MYO1A: variants seen among roughly 807,000 people sequenced by gnomAD.
MYO1A encodes the protein myosin IA, also known as unconventional myosin-Ia.
A neutral mutation model predicts 138.5 loss-of-function variants in MYO1A; 127 were observed. The observed-to-expected ratio is 0.92, with a 90% CI of 0.79 to 1.06. MYO1A has a LOEUF of 1.06. Ranked by LOEUF, MYO1A falls within the 50% of genes least tolerant of loss-of-function variation. The pLI is 0.00. For missense variants in MYO1A, 1,211 were observed against 1,288.8 expected, an observed-to-expected ratio of 0.94 and a Z score of 0.92; for synonymous variants, 477 against 497.5, an observed-to-expected ratio of 0.96 and a Z score of 0.55.
rs1592484864 is a variant in MYO1A, at chr12:57,047,430, T to C, written c.326-23A>G. 1.2e-5 allele frequency: 20 copies of C among 1,609,488 alleles called. 1 individual carries two copies. The highest frequency in any genetic ancestry group is 3.3e-4 in the Middle Eastern group (2 of 6,074). ...CCTCTGTGCAGGCAAAACGCTCTCA[T>C]GGGTCCCCACCCAGGACTAGCCCAT... On this transcript the variant is annotated intron_variant, in intron 4 of 27. Transcript: ENST00000300119.
chr12:57,038,556 T>A lies in MYO1A; in HGVS notation c.1616A>T (p.Gln539Leu). Residue 539 changes from glutamine (Q) to leucine (L), a missense_variant, in exon 17 of 28, where the codon CAG becomes CTG. Transcript: ENST00000300119. ...RDLLQAMWKA[Q>L]HPLLRSLFPE... ...AAACAAGGACCGAAGGAGGGGGTGCTGGGCCTTCCACATGGCCTGCAACAG... is the reference window on the plus strand; with the variant it reads ...AAACAAGGACCGAAGGAGGGGGTGCAGGGCCTTCCACATGGCCTGCAACAG... 5 of 1,614,204 alleles carry A rather than the reference T, an allele frequency of 3.1e-6. No homozygotes were observed. The highest frequency in any genetic ancestry group is 3.4e-6 in the Non-Finnish European group (4 of 1,180,036).
chr12:57,044,385 T>C (rs2031002243), intron 8 of MYO1A, among the ~76,000 whole-genome samples, 176 bp from the exon 9 acceptor site: 1 of 152,172 alleles, frequency 6.6e-6, no homozygotes, highest in African/African-American at 2.4e-5. Context: ...CCTGTGATGA[T>C]AGACTAATTT....
intron 1 of MYO1A, among the ~76,000 whole-genome samples, chr12:57,048,742 T>C (rs2031230619): frequency 6.6e-6 from 1 of 152,044 alleles, no homozygotes; most frequent in East Asian, 1.9e-4. Context: ...GCCCTCTCTC[T>C]CCTACAATGG....
Position 57,044,112 on chromosome 12 carries a change from A to T in MYO1A, c.738T>A (p.Ala246=). The change falls in exon 9 of 28, where the codon GCT becomes GCA. Residue 246 remains alanine, a synonymous_variant. Transcript: ENST00000300119. ...DGMDDASSFR[A]VQSAMAVIGF... ...CCTCACCCTGGGCACCCACCTGTAC[A>T]GCCCTGAAGCTGGAGGCGTCGTCCA... 1 of 1,614,218 alleles carries T rather than the reference A, an allele frequency of 6.2e-7. No individual in the cohort carries two copies. Among genetic ancestry groups the T allele is most frequent in the Non-Finnish European group, 8.5e-7 (1 of 1,180,040 alleles).
chr12:57,047,269 G>A, intron 5 of MYO1A, 34 bp downstream of exon 5: 1 of 1,596,910 alleles, frequency 6.3e-7, no homozygotes, highest in Non-Finnish European at 8.6e-7. Context: ...GGGGTTAGAT[G>A]GAGGGTGGAG....
chr12:57,038,931 T>C lies in MYO1A; in HGVS notation c.1411A>G (p.Lys471Glu), dbSNP rs367561406. 118 of 1,613,996 alleles carry C rather than the reference T, an allele frequency of 7.3e-5. No individual in the cohort carries two copies. Among genetic ancestry groups the C allele is most frequent in the Non-Finnish European group, 9.7e-5 (115 of 1,180,028 alleles). ...TGCTTGGAGAAGAGCTGGTTCAGCT[T>C]TGCTAGGAAAGTGGAGTCACTGACC... is the stretch of plus-strand genomic sequence containing the variant. The part of the protein sequence containing the change: ...GVVSDSTFLA[K>E]LNQLFSKHGH... The change falls in exon 16 of 28, where the codon AAG becomes GAG. Residue 471 changes from lysine (K) to glutamate (E), a missense_variant. Physicochemically the swap from Lys to Glu is moderately conservative, Grantham distance 56. Transcript: ENST00000300119.
At position 57,047,138 on chromosome 12, in the gene MYO1A, T is replaced by C. The variant is rs777622435; in HGVS notation, c.431-31A>G. The C allele has an allele frequency of 1.9e-6, 3 of 1,613,162 alleles. No individual in the cohort carries two copies. The South Asian group carries it at 3.3e-5, about 18-fold the overall frequency. On this transcript the variant is annotated intron_variant, in intron 5 of 27. Coordinates refer to ENST00000300119, the MANE Select transcript of MYO1A (RefSeq NM_005379.4). ...GAGATGAGGAGGGGAGAAGTGAAAC[T>C]CTAGAGAAGGGAAAGGAGGAAGGGC...
intron 8 of MYO1A, among the ~76,000 whole-genome samples, chr12:57,045,507 C>T (rs538448782): frequency 2.0e-5 from 3 of 152,126 alleles, no homozygotes; most frequent in Non-Finnish European, 2.9e-5. Context: ...CCAACCAGAA[C>T]AAGACACTAA....
chr12:57,045,913 C>A (rs1214199423), intron 8 of MYO1A, among the ~76,000 whole-genome samples: 9 of 152,218 alleles, frequency 5.9e-5, no homozygotes, highest in Non-Finnish European at 1.0e-4. Context: ...TACAATGGAT[C>A]TGCTCACACA....
chr12:57,030,318 T>C lies in MYO1A; in HGVS notation c.2485-2A>G, dbSNP rs1465375132. ...CAGCTGATCCCGGAACCTCTTGCAC[T>C]GTGAGGAAGGAGGGACAGGAGCTAA... On this transcript the variant is annotated splice_acceptor_variant, in intron 23 of 27. Coordinates refer to ENST00000300119, the MANE Select transcript of MYO1A (RefSeq NM_005379.4). LOFTEE classifies it high-confidence loss of function. 1 of 1,612,310 alleles carries C rather than the reference T, an allele frequency of 6.2e-7. No homozygotes were observed. The highest frequency in any genetic ancestry group is 2.2e-5 in the East Asian group (1 of 44,812).
rs750119242 is a variant in MYO1A, at chr12:57,029,753, C to T, written c.2711G>A (p.Arg904His). The T allele has an allele frequency of 1.9e-5, 30 of 1,614,094 alleles. No individual in the cohort carries two copies. Among genetic ancestry groups the T allele is most frequent in the East Asian group, 2.2e-5 (1 of 44,898 alleles). Reference sequence around the variant, plus strand: ...GCAGGCCCTTACCTTGCCATTGCCACGATTGACCTTCTTCACGGCCTCTGC... The same window carrying T: ...GCAGGCCCTTACCTTGCCATTGCCATGATTGACCTTCTTCACGGCCTCTGC... ...LMAEAVKKVN[R>H]GNGKTSSRIL... Residue 904 changes from arginine to histidine, a missense_variant, in exon 25 of 28, where the codon CGT becomes CAT. Physicochemically the swap from Arg to His is conservative, Grantham distance 29 (BLOSUM62 0). Coordinates refer to ENST00000300119, the MANE Select transcript of MYO1A (RefSeq NM_005379.4).
At chr12:57,038,689 C>T in intron 16 of MYO1A, 51 bp from the exon 17 acceptor site, 1 of 1,609,932 alleles carries the variant, frequency 6.2e-7, no homozygotes, top group Non-Finnish European at 8.5e-7. Flanking sequence ...TGTCCCAGCA[C>T]TTGGCCCTCC....
Position 57,029,446 on chromosome 12 carries a change from G to A in MYO1A, c.2866C>T (p.His956Tyr). Residue 956 changes from histidine (H) to tyrosine (Y), a missense_variant, in exon 26 of 28, where the codon CAT (histidine) becomes TAT (tyrosine). His to Tyr is a moderately conservative substitution (Grantham distance 83, BLOSUM62 2). Transcript: ENST00000300119. ...CCCAGCTCTGATACCTCACTCAGAT[G>A]CAAGCTAAAGAGCCCATCCTTGAGG... ...TSLKDGLFSL[H>Y]LSEMSSVGSK... 1.2e-6 allele frequency: 2 copies of A among 1,614,144 alleles called. No individual in the cohort carries two copies. The highest frequency in any genetic ancestry group is 1.7e-6 in the Non-Finnish European group (2 of 1,180,022).
chr12:57,029,648 C>T, intron 25 of MYO1A, 61 bp from the exon 26 acceptor site: 1 of 1,613,988 alleles, frequency 6.2e-7, no homozygotes, highest in Admixed American at 1.7e-5. Flanking sequence ...CTCCACCTGG[C>T]AGGGCGCAAA....
chr12:57,041,489 G>A lies in MYO1A; in HGVS notation c.1107C>T (p.Ile369=), dbSNP rs201807846. 2.7e-5 allele frequency: 44 copies of A among 1,612,776 alleles called. No homozygotes were observed. The highest frequency in any genetic ancestry group is 2.6e-5 in the Non-Finnish European group (31 of 1,178,944). The change falls in exon 13 of 28, where the codon ATC becomes ATT. Residue 369 remains isoleucine (I), a synonymous_variant. Coordinates refer to ENST00000300119, the MANE Select transcript of MYO1A (RefSeq NM_005379.4). ...CTCCCATTACCTTCTTCTTTTCCCC[G>A]ATGCCCACCTGAAGAGGAGAGAAAG... ...NRINESIKVG[I]GEKKKVMGVL... is the part of the protein sequence containing the mutation.
intron 24 of MYO1A, 159 bp downstream of exon 24, chr12:57,030,051 C>A: frequency 7.8e-7 from 1 of 1,282,424 alleles, no homozygotes. Flanking sequence ...GTTAGAAAGG[C>A]AAATTTTGGT....
At position 57,047,970 on chromosome 12, in the gene MYO1A, C is replaced by T. The variant is rs570721813; in HGVS notation, c.230+19G>A. Reference sequence around the variant, plus strand: ...AGAAGCTGGGGCCCTGTCAGCCTTCCCTTGGTCCCCCTACTCACATATGGG... The same window carrying T: ...AGAAGCTGGGGCCCTGTCAGCCTTCTCTTGGTCCCCCTACTCACATATGGG... On this transcript the variant is annotated intron_variant, in intron 3 of 27. Transcript: ENST00000300119. 1.4e-5 allele frequency: 22 copies of T among 1,604,998 alleles called. No homozygotes were observed. In the East Asian group the frequency reaches 4.7e-4, roughly 34 times the overall value.
At chr12:57,034,518 T>C (rs117270067) in intron 22 of MYO1A, among the ~76,000 whole-genome samples, 13,748 of 146,418 alleles carry the variant, frequency 0.094, 653 homozygotes, top group East Asian at 0.19. Flanking sequence ...ACCAAAAATA[T>C]AAAAAATTAG....
At chr12:57,030,936 AT>A (rs942079086) in intron 23 of MYO1A, 103 bp downstream of exon 23, 5 of 1,446,520 alleles carry the variant, frequency 3.5e-6, no homozygotes, top group African/African-American at 1.4e-5. Context: ...TTTTACCACA[AT>A]TTTTTTAATG....
Sources: gnomAD v4.1 joint callset for allele counts (sites outside exome capture counted in the v4.1 genomes callset) on GRCh38, gnomAD v4.1.1 for gene constraint, MANE v1.5 for transcripts, NCBI Gene and HGNC (gene_info 2026-07-23, HGNC 2026-07-21) for gene names.